Variants in SGK3 observed in about 807,000 individuals in gnomAD.
SGK3 encodes serum/glucocorticoid regulated kinase family member 3.
A neutral mutation model predicts 68.5 loss-of-function variants in SGK3; 47 were observed. The observed-to-expected ratio is 0.69, with a 90% CI of 0.54 to 0.87. SGK3 has a LOEUF of 0.87. Among genes scored for constraint, SGK3 ranks in the 40% least tolerant of loss-of-function variants. The pLI, the probability that SGK3 is intolerant of heterozygous loss-of-function variation, is 0.00. For synonymous variants in SGK3, 181 were observed against 189.1 expected, an observed-to-expected ratio of 0.96 and a Z score of 0.35; for missense variants, 479 against 575.5, an observed-to-expected ratio of 0.83 and a Z score of 1.72.
intron 1 of SGK3, chr8:66,767,904 G>T: frequency 8.4e-7 from 1 of 1,189,440 alleles, no homozygotes; most frequent in Non-Finnish European, 1.3e-6. Context: ...TCCCATCTAA[G>T]GCTTTGATTG....
chr8:66,784,529 G>A (rs1172881965), intron 1 of SGK3, among the ~76,000 whole-genome samples: 1 of 152,080 alleles, frequency 6.6e-6, no homozygotes, highest in African/African-American at 2.4e-5. Flanking sequence ...AGGAAGTAGG[G>A]TTCAGAAATT....
At chr8:66,748,921 GTC>G (rs1399259344) in intron 1 of SGK3, among the ~76,000 whole-genome samples, 2 of 150,944 alleles carry the variant, frequency 1.3e-5, no homozygotes, top group Admixed American at 6.6e-5. Context: ...TTTAGACAAG[GTC>G]TCTCTCTGTT....
At chr8:66,741,546 T>C (rs762669689) in intron 1 of SGK3, among the ~76,000 whole-genome samples, 2 of 151,780 alleles carry the variant, frequency 1.3e-5, no homozygotes, top group Admixed American at 6.6e-5. Context: ...CAAGACTCCA[T>C]CTCAAAAAAT....
chr8:66,777,616 CTGT>C (rs1032853419), intron 1 of SGK3, among the ~76,000 whole-genome samples: 2 of 152,202 alleles, frequency 1.3e-5, no homozygotes, highest in African/African-American at 4.8e-5. Flanking sequence ...CCTGCCTCTC[CTGT>C]TGTTGCCAAG....
rs752124707 is a variant in SGK3 at position 66,835,763 on chromosome 8, G to T, written c.526G>T (p.Val176Phe). Residue 176 changes from valine to phenylalanine, a missense_variant and splice_region_variant, in exon 9 of 17, where the codon GTT becomes TTT. Coordinates refer to ENST00000521198, the MANE Select transcript of SGK3 (RefSeq NM_001033578.3). ...KVIGKGSFGK[V>F]LLAKRKLDGK... ...ATACACTAATGTTTAACTATAACAG[G>T]TTCTTCTTGCAAAACGGAAACTGGA... The T allele has an allele frequency of 1.2e-6, 2 of 1,610,592 alleles. No individual in the cohort carries two copies. The highest frequency in any genetic ancestry group is 1.3e-5 in the African/African-American group (1 of 74,698).
chr8:66,804,621 A>G (rs762661427), intron 4 of SGK3, among the ~76,000 whole-genome samples, 174 bp downstream of exon 4: 2 of 152,220 alleles, frequency 1.3e-5, no homozygotes, highest in African/African-American at 4.8e-5. Flanking sequence ...TAAGTACTTC[A>G]TGTGTTTTAA....
intron 6 of SGK3, among the ~76,000 whole-genome samples, chr8:66,827,386 C>CAAAAA (rs757439616): frequency 1.9e-5 from 1 of 52,326 alleles, no homozygotes; most frequent in African/African-American, 6.2e-5. Context: ...AACTCTATCT[C>CAAAAA]AAAAAAAAAA....
chr8:66,767,521 C>G, intron 1 of SGK3: 4 of 1,512,738 alleles, frequency 2.6e-6, no homozygotes, highest in Middle Eastern at 1.7e-4. Context: ...TGAAGGGGGG[C>G]CCAGCTGAAA....
chr8:66,810,865 TTATTC>T (rs899708923), intron 4 of SGK3, among the ~76,000 whole-genome samples: 3 of 152,188 alleles, frequency 2.0e-5, no homozygotes, highest in African/African-American at 7.2e-5. Flanking sequence ...TTTGTCTACT[TTATTC>T]TAGTGTTTGC....
At chr8:66,729,640 T>C (rs1229552125) in intron 1 of SGK3, among the ~76,000 whole-genome samples, 1 of 152,290 alleles carries the variant, frequency 6.6e-6, no homozygotes, top group East Asian at 1.9e-4. Flanking sequence ...GATGTATACC[T>C]AGGAGCAGAA....
chr8:66,778,276 C>CATCTGCTT (rs1363889709), intron 1 of SGK3, among the ~76,000 whole-genome samples: 6 of 152,202 alleles, frequency 3.9e-5, no homozygotes, highest in African/African-American at 1.4e-4. Context: ...ATAAGACCCA[C>CATCTGCTT]ATCTGCTTAT....
intron 7 of SGK3, among the ~76,000 whole-genome samples, 176 bp from the exon 8 acceptor site, chr8:66,831,078 A>G (rs934957345): frequency 1.3e-5 from 2 of 152,240 alleles, no homozygotes; most frequent in Admixed American, 6.5e-5. Flanking sequence ...AGATATTACT[A>G]TACATATTAC....
intron 1 of SGK3, among the ~76,000 whole-genome samples, chr8:66,723,111 AT>A (rs1804855619): frequency 2.2e-5 from 1 of 46,492 alleles, no homozygotes; most frequent in African/African-American, 8.8e-5. Context: ...ATATATATAT[AT>A]ATATATATAT....
At position 66,859,795 on chromosome 8, in the gene SGK3, G is replaced by A; in HGVS notation, c.*214G>A. ...TAAAATTTATATTCTTGTTTAATAA[G>A]CTTATTTTTAAACAATTTAAAAGCT... On this transcript the variant is annotated 3_prime_UTR_variant, in exon 17 of 17. Transcript: ENST00000521198. 4 of 481,000 alleles carry A rather than the reference G, an allele frequency of 8.3e-6. No homozygotes were observed. Among genetic ancestry groups the A allele is most frequent in the Non-Finnish European group, 1.3e-5 (4 of 303,126 alleles). The allele number at this position is 481,000 out of a possible 1,614,324, so 29.8% of individuals were successfully genotyped here. A position where few individuals can be genotyped will look rare whatever the true frequency, so the allele number is the denominator to read the frequency against.
intron 1 of SGK3, among the ~76,000 whole-genome samples, chr8:66,728,675 G>A (rs1458672547): frequency 1.3e-5 from 2 of 152,108 alleles, no homozygotes; most frequent in Non-Finnish European, 2.9e-5. Flanking sequence ...TGCCAAGGTG[G>A]GAGGATTGCT....
chr8:66,779,567 T>G (rs1228164943), intron 1 of SGK3, among the ~76,000 whole-genome samples: 1,363 of 85,926 alleles, frequency 0.016, 6 homozygotes, highest in Non-Finnish European at 0.023. Flanking sequence ...TGTGAATATA[T>G]ATATATATAT....
At chr8:66,765,898 A>G (rs1180278824) in intron 1 of SGK3, among the ~76,000 whole-genome samples, 1 of 151,784 alleles carries the variant, frequency 6.6e-6, no homozygotes. Flanking sequence ...CATGGCGGGC[A>G]CCTGTAATCC....
intron 6 of SGK3, among the ~76,000 whole-genome samples, chr8:66,822,980 A>G (rs1240258877): frequency 6.6e-6 from 1 of 152,196 alleles, no homozygotes; most frequent in Non-Finnish European, 1.5e-5. Flanking sequence ...AAAAAGTAAT[A>G]TAGGTTAATC....
chr8:66,833,147 A>G (rs891008380), intron 8 of SGK3, among the ~76,000 whole-genome samples: 2 of 152,056 alleles, frequency 1.3e-5, no homozygotes, highest in Admixed American at 6.6e-5. Context: ...CTGGGATTTC[A>G]GGCACACGCC....
Sources: gnomAD v4.1 joint callset for allele counts (sites outside exome capture counted in the v4.1 genomes callset) on GRCh38, gnomAD v4.1.1 for gene constraint, MANE v1.5 for transcripts, NCBI Gene and HGNC (gene_info 2026-07-23, HGNC 2026-07-21) for gene names.